FBXO28: variants seen among roughly 807,000 people sequenced by gnomAD.
FBXO28 encodes the protein F-box protein 28.
In FBXO28, 8 loss-of-function variants were observed where a neutral mutation model predicts 38.1. The ratio of observed to expected loss-of-function variants is 0.21; its 90% CI spans 0.12 to 0.38. FBXO28 has a LOEUF of 0.38. FBXO28 is among the 10% of genes least tolerant of loss of function. The probability of loss-of-function intolerance (pLI) is 1.00; values close to 1 mark genes in which losing one functional copy is unlikely to be tolerated. For missense variants in FBXO28, 345 were observed against 460.6 expected, an observed-to-expected ratio of 0.75 and a Z score of 2.30; for synonymous variants, 168 against 173.8, an observed-to-expected ratio of 0.97 and a Z score of 0.26.
intron 1 of FBXO28, among the ~76,000 whole-genome samples, chr1:224,128,634 A>G (rs546829602): frequency 1.3e-5 from 2 of 152,230 alleles, no homozygotes; most frequent in South Asian, 2.1e-4. Flanking sequence ...AAGAATGCAT[A>G]TAAGTTGTAC....
chr1:224,159,674 G>C lies in FBXO28; in HGVS notation c.*1928G>C, dbSNP rs1242719003. 1.3e-5 allele frequency: 2 copies of C among 152,002 alleles called. No individual in the cohort carries two copies. Among genetic ancestry groups the C allele is most frequent in the Non-Finnish European group, 2.9e-5 (2 of 68,028 alleles). The allele number at this position is 152,002 out of a possible 1,614,324, so 9.4% of individuals were successfully genotyped here. On this transcript the variant is annotated 3_prime_UTR_variant, in exon 5 of 5. Coordinates refer to ENST00000366862, the MANE Select transcript of FBXO28 (RefSeq NM_015176.4). ...GAGGAGGCCTGGTGGAATACCCGGG[G>C]CCTCTACTAGTCTGCTTTTCCGGTC...
At chr1:224,114,428 T>TCC in intron 1 of FBXO28, 32 bp downstream of exon 1, 1 of 1,469,134 alleles carries the variant, frequency 6.8e-7, no homozygotes. Flanking sequence ...TGCCTCCCTC[T>TCC]CCCCCCGGCC....
At chr1:224,138,690 G>GA (rs2102622988) in intron 3 of FBXO28, among the ~76,000 whole-genome samples, 1 of 9,370 alleles carries the variant, frequency 1.1e-4, no homozygotes, top group South Asian at 7.5e-3. Flanking sequence ...AGATGATAAT[G>GA]AAAAAACAAA....
rs183606578 is a variant in FBXO28, at chr1:224,143,362, G to T, written c.516+9150G>T. ...CCTCCGACATCTCAGAGCTGTGCCT[G>T]TTAGGTTCATTGACATGTCTTAGTG... is the stretch of plus-strand genomic sequence containing the variant. On this transcript the variant is annotated intron_variant, in intron 3 of 4. Transcript: ENST00000366862. Among the ~76,000 whole-genome samples the T allele has an allele frequency of 1.3e-4, 20 of 152,298 alleles. 1 individual carries two copies. The highest frequency in any genetic ancestry group is 4.6e-4 in the Admixed American group (7 of 15,278).
intron 3 of FBXO28, among the ~76,000 whole-genome samples, chr1:224,147,118 T>C (rs1320187555): frequency 6.6e-6 from 1 of 152,070 alleles, no homozygotes; most frequent in Non-Finnish European, 1.5e-5. Flanking sequence ...AAAATATATA[T>C]GTATATTTAG....
intron 3 of FBXO28, among the ~76,000 whole-genome samples, chr1:224,139,116 G>T (rs1041928328): frequency 2.0e-5 from 3 of 151,612 alleles, no homozygotes; most frequent in Admixed American, 1.3e-4. Flanking sequence ...TAGTAGCCCT[G>T]GTAAACCTTT....
intron 1 of FBXO28, among the ~76,000 whole-genome samples, chr1:224,115,595 C>G (rs1656626116): frequency 6.6e-6 from 1 of 152,094 alleles, no homozygotes; most frequent in Admixed American, 6.6e-5. Flanking sequence ...TCAACCATGC[C>G]AGTCTGCAGG....
At chr1:224,139,413 T>C (rs58123902) in intron 3 of FBXO28, among the ~76,000 whole-genome samples, 2,141 of 151,862 alleles carry the variant, frequency 0.014, 106 homozygotes, top group African/African-American at 0.05. Context: ...CTAGCAGTTA[T>C]TTACCTTTCA....
chr1:224,157,753 A>C lies in FBXO28; in HGVS notation c.*7A>C, dbSNP rs112021357. The C allele has an allele frequency of 3.0e-5, 47 of 1,588,302 alleles. No individual in the cohort carries two copies. In the Middle Eastern group the frequency reaches 6.8e-4, roughly 23 times the overall value. ...TCTTCGGAATAGAAAGTAAATTGGA[A>C]TGTGGTTCTAGTTCCAGAGGAAGAC... is the stretch of plus-strand genomic sequence containing the variant. On this transcript the variant is annotated 3_prime_UTR_variant, in exon 5 of 5. Transcript: ENST00000366862.
chr1:224,136,322 A>G (rs1171900856), intron 3 of FBXO28, among the ~76,000 whole-genome samples: 1 of 151,962 alleles, frequency 6.6e-6, no homozygotes, highest in East Asian at 1.9e-4. Context: ...TGCTGAAGTA[A>G]GAACATTATA....
chr1:224,123,076 A>T (rs1167231302), intron 1 of FBXO28, among the ~76,000 whole-genome samples: 6 of 124,484 alleles, frequency 4.8e-5, no homozygotes, highest in African/African-American at 1.8e-4. Flanking sequence ...CAGCTTTCTC[A>T]CTTTAAAAAA....
chr1:224,145,861 A>T (rs1196276435), intron 3 of FBXO28, among the ~76,000 whole-genome samples: 2 of 152,158 alleles, frequency 1.3e-5, no homozygotes, highest in African/African-American at 4.8e-5. Context: ...AGAGGTCGGG[A>T]GTTTGAGACC....
At chr1:224,147,781 T>G (rs1402183236) in intron 3 of FBXO28, among the ~76,000 whole-genome samples, 1 of 145,136 alleles carries the variant, frequency 6.9e-6, no homozygotes, top group African/African-American at 2.6e-5. Context: ...GTCTTTCCAC[T>G]AGACCTCAAA....
chr1:224,155,048 ATGAAT>A (rs1657741584), intron 4 of FBXO28, among the ~76,000 whole-genome samples: 1 of 151,992 alleles, frequency 6.6e-6, no homozygotes, highest in Admixed American at 6.6e-5. Context: ...TATGTTTCTG[ATGAAT>A]TAATATTCAT....
intron 4 of FBXO28, 69 bp downstream of exon 4, chr1:224,153,406 C>T: frequency 8.1e-7 from 1 of 1,227,442 alleles, no homozygotes; most frequent in Non-Finnish European, 1.1e-6. Flanking sequence ...TCCACTTAAC[C>T]AGTGTCTTGA....
intron 1 of FBXO28, among the ~76,000 whole-genome samples, chr1:224,118,566 A>G (rs1656699501): frequency 6.6e-6 from 1 of 152,190 alleles, no homozygotes; most frequent in Non-Finnish European, 1.5e-5. Context: ...GTCTCAAGAT[A>G]TTTCTCTAGA....
At chr1:224,139,814 C>T (rs1436949140) in intron 3 of FBXO28, among the ~76,000 whole-genome samples, 3 of 119,714 alleles carry the variant, frequency 2.5e-5, no homozygotes, top group East Asian at 2.7e-4. Context: ...TTTGGCCAGG[C>T]GTGGTGGCTC....
chr1:224,132,069 A>G (rs1418425035), intron 2 of FBXO28, among the ~76,000 whole-genome samples: 1 of 152,186 alleles, frequency 6.6e-6, no homozygotes, highest in Non-Finnish European at 1.5e-5. Context: ...CCTGGGCAGC[A>G]TAGTAAAACC....
At chr1:224,129,372 A>G (rs1431135501) in intron 1 of FBXO28, among the ~76,000 whole-genome samples, 1 of 152,206 alleles carries the variant, frequency 6.6e-6, no homozygotes, top group Non-Finnish European at 1.5e-5. Context: ...TACAGTGTCT[A>G]ATATAAAGGC....
Sources: gnomAD v4.1 joint callset for allele counts (sites outside exome capture counted in the v4.1 genomes callset) on GRCh38, gnomAD v4.1.1 for gene constraint, MANE v1.5 for transcripts, NCBI Gene and HGNC (gene_info 2026-07-23, HGNC 2026-07-21) for gene names.